The following IL1RAPL1 variants were observed in gnomAD, a reference collection of about 807,000 sequenced individuals.
IL1RAPL1 encodes interleukin-1 receptor accessory protein-like 1.
Under a neutral mutation model 48.4 loss-of-function variants are expected in IL1RAPL1, and 3 were observed. The observed-to-expected ratio is 0.06, with a 90% confidence interval of 0.03 to 0.16. The LOEUF (loss-of-function observed/expected upper bound fraction) is 0.16, where lower values mean the gene tolerates loss of function less well. Ranked by LOEUF, IL1RAPL1 falls within the 10% of genes least tolerant of loss-of-function variation. IL1RAPL1 has a pLI of 1.00. For missense variants in IL1RAPL1, 349 were observed against 530.6 expected (o/e 0.66, Z 3.36); for synonymous variants, 185 against 187.7 (o/e 0.99, Z 0.12).
At chrX:29,596,013 A>G (rs1302219786) in intron 5 of IL1RAPL1, among the ~76,000 whole-genome samples, 3 of 111,060 alleles carry the variant, frequency 2.7e-5, no homozygotes, top group African/African-American at 9.8e-5. Context: ...AGTTTATAAA[A>G]GTTTTTGTTT....
At chrX:29,945,460 A>G (rs1437193506) in intron 9 of IL1RAPL1, among the ~76,000 whole-genome samples, 2 of 104,864 alleles carry the variant, frequency 1.9e-5, no homozygotes, top group African/African-American at 7.1e-5. Flanking sequence ...GGGGTAATTT[A>G]TAAAATACTT....
intron 5 of IL1RAPL1, among the ~76,000 whole-genome samples, chrX:29,512,105 T>TAA (rs986549652): frequency 4.8e-5 from 5 of 103,711 alleles, no homozygotes; most frequent in Non-Finnish European, 8.1e-5. Context: ...TATATATATA[T>TAA]AATCTCTCTT....
At chrX:29,714,732 G>C (rs1321464530) in intron 6 of IL1RAPL1, among the ~76,000 whole-genome samples, 1 of 111,511 alleles carries the variant, frequency 9.0e-6, no homozygotes, top group Admixed American at 9.6e-5. Context: ...TCTATGTCTG[G>C]AAATGGAAGA....
At chrX:29,193,902 T>C (rs1463870400) in intron 2 of IL1RAPL1, among the ~76,000 whole-genome samples, 1 of 111,916 alleles carries the variant, frequency 8.9e-6, no homozygotes, top group Non-Finnish European at 1.9e-5. Flanking sequence ...GACAGGAGAC[T>C]TCTCTGTATT....
rs1236580645 is a variant in IL1RAPL1 at position 28,789,419 on chromosome X, G to A, written c.76G>A (p.Gly26Ser). 1 of 1,190,329 alleles carries A rather than the reference G, an allele frequency of 8.4e-7. No homozygotes were observed. ...TQSLKVVTKR[G>S]SADGCTDWSI... ...GAGTTTGAAGGTTGTGACCAAAAGA[G>A]GCTCCGGTAAGCAGTATTCCTCTAT... The change falls in exon 2 of 11, where the codon GGC becomes AGC. Residue 26 changes from glycine to serine, a missense_variant. Gly to Ser is a moderately conservative substitution (Grantham distance 56, BLOSUM62 0). This residue lies in a region of IL1RAPL1 where 238 missense variants were observed against 337.8 expected (regional missense o/e 0.70). Transcript: ENST00000378993.
At chrX:28,892,383 G>A (rs768289799) in intron 2 of IL1RAPL1, among the ~76,000 whole-genome samples, 1 of 110,384 alleles carries the variant, frequency 9.1e-6, no homozygotes, top group South Asian at 3.9e-4. Context: ...AATTTCACAA[G>A]GTAATGTCAT....
intron 2 of IL1RAPL1, among the ~76,000 whole-genome samples, chrX:29,024,588 A>C (rs1926443915): frequency 8.9e-6 from 1 of 112,183 alleles, no homozygotes; most frequent in African/African-American, 3.2e-5. Flanking sequence ...AATTGAAAAA[A>C]GGTCTGCAAT....
At chrX:29,518,306 T>C (rs112533669) in intron 5 of IL1RAPL1, among the ~76,000 whole-genome samples, 4,484 of 110,914 alleles carry the variant, frequency 0.04, 249 homozygotes, top group African/African-American at 0.14. Flanking sequence ...GGGGATCTCG[T>C]TACAATGCAG....
chrX:28,892,664 T>G (rs186465402), intron 2 of IL1RAPL1, among the ~76,000 whole-genome samples: 3,252 of 109,594 alleles, frequency 0.03, 53 homozygotes, highest in East Asian at 0.074. Context: ...TGTGGAGAGA[T>G]AATGGGTGAT....
intron 1 of IL1RAPL1, among the ~76,000 whole-genome samples, chrX:28,691,931 G>T (rs758313328): frequency 9.0e-6 from 1 of 111,248 alleles, no homozygotes; most frequent in Admixed American, 9.6e-5. Flanking sequence ...TCATGATTCT[G>T]CAGGCTGTAT....
chrX:29,402,083 C>T (rs189794771), intron 5 of IL1RAPL1, among the ~76,000 whole-genome samples: 1 of 110,437 alleles, frequency 9.1e-6, no homozygotes, highest in South Asian at 3.9e-4. Context: ...TAGTAGAGAC[C>T]GGGTTTAACC....
intron 3 of IL1RAPL1, among the ~76,000 whole-genome samples, chrX:29,355,455 T>C (rs1164879633): frequency 1.8e-5 from 2 of 112,390 alleles, no homozygotes; most frequent in Non-Finnish European, 3.8e-5. Flanking sequence ...TGAAGATACT[T>C]TTCTTTCTCA....
rs144277074 is a variant in IL1RAPL1 at position 28,794,393 on chromosome X, G to A, written c.82+4968G>A. Among the ~76,000 whole-genome samples, 74 of 111,696 alleles carry A rather than the reference G, an allele frequency of 6.6e-4. No homozygotes were observed. The East Asian group carries it at 0.017, about 25-fold the overall frequency. On this transcript the variant is annotated intron_variant, in intron 2 of 10. Coordinates refer to ENST00000378993, the MANE Select transcript of IL1RAPL1 (RefSeq NM_014271.4). ...AATTTAATGGTATTGTTCCATAATG[G>A]CCATTATGAAAAGGCTGTAGCTCAT...
At position 28,666,427 on chromosome X, in the gene IL1RAPL1, G is replaced by T. The variant is rs1011930412; in HGVS notation, c.-25+78380G>T. Among the ~76,000 whole-genome samples the T allele has an allele frequency of 2.7e-5, 3 of 111,299 alleles. 1 individual carries two copies. The East Asian group carries it at 8.4e-4, about 31-fold the overall frequency. ...TCAAAGAGGATATCCAAGAAGAAAC[G>T]GGACAAAGAAGAAAGATGAATTGCA... On this transcript the variant is annotated intron_variant, in intron 1 of 10. Transcript: ENST00000378993.
chrX:29,881,178 T>C (rs1411566478), intron 6 of IL1RAPL1, among the ~76,000 whole-genome samples: 1 of 111,007 alleles, frequency 9.0e-6, no homozygotes, highest in Admixed American at 9.7e-5. Context: ...TTCTACTTTT[T>C]CAATACTCAT....
chrX:29,724,147 A>G (rs1927716307), intron 6 of IL1RAPL1, among the ~76,000 whole-genome samples: 1 of 111,386 alleles, frequency 9.0e-6, no homozygotes, highest in Non-Finnish European at 1.9e-5. Flanking sequence ...ATATGAAGAT[A>G]TTGTTATGCT....
intron 2 of IL1RAPL1, among the ~76,000 whole-genome samples, chrX:28,879,867 T>C (rs1922462460): frequency 8.9e-6 from 1 of 111,826 alleles, no homozygotes; most frequent in Non-Finnish European, 1.9e-5. Context: ...TTCTGAAATA[T>C]AGAGATTGAA....
intron 2 of IL1RAPL1, among the ~76,000 whole-genome samples, chrX:28,792,816 AATATATATATAT>A (rs1555924328): frequency 9.9e-5 from 1 of 10,109 alleles, no homozygotes; most frequent in Non-Finnish European, 1.8e-4. Context: ...AAAAAAAAAA[AATATATATATAT>A]ATATATATAT....
chrX:29,480,009 CT>C (rs750559041), intron 5 of IL1RAPL1, among the ~76,000 whole-genome samples: 27 of 106,359 alleles, frequency 2.5e-4, no homozygotes, highest in African/African-American at 4.4e-4. Flanking sequence ...CATATAATGA[CT>C]TTTTTTTTTC....
Sources: allele counts gnomAD v4.1 joint callset (sites outside exome capture counted in the v4.1 genomes callset), GRCh38; gene constraint gnomAD v4.1.1; regional missense constraint gnomAD v4.1.1; transcripts MANE v1.5; gene names NCBI Gene and HGNC (gene_info 2026-07-23, HGNC 2026-07-21).